Variants in FASN observed in about 807,000 individuals in gnomAD.
The protein encoded by FASN is fatty acid synthase, also known as 3-hydroxyacyl-[acyl-carrier-protein] dehydratase.
Under a neutral mutation model 250.0 loss-of-function variants are expected in FASN, and 50 were observed. The ratio of observed to expected loss-of-function variants is 0.20; its 90% CI spans 0.16 to 0.25. The LOEUF (loss-of-function observed/expected upper bound fraction) is 0.25, where lower values mean the gene tolerates loss of function less well. Among genes scored for constraint, FASN ranks in the 10% least tolerant of loss-of-function variants. FASN has a pLI of 1.00. For synonymous variants in FASN, 1,909 were observed against 1,584.0 expected (o/e 1.21, Z -4.87); for missense variants, 3,031 against 3,498.5 (o/e 0.87, Z 3.37).
intron 10 of FASN, 65 bp from the exon 11 acceptor site, chr17:82,090,629 C>T (rs376428656): frequency 2.4e-4 from 355 of 1,456,376 alleles, no homozygotes; most frequent in Admixed American, 2.9e-4. Context: ...GGGCGGCCCC[C>T]GGCCCCACTA....
chr17:82,093,182 T>C (rs1229749125), intron 5 of FASN, 37 bp downstream of exon 5: 2 of 1,548,592 alleles, frequency 1.3e-6, no homozygotes, highest in Admixed American at 1.9e-5. Context: ...CCTGTGCCAC[T>C]GTCCCGCCTG....
In FASN at chr17:82,093,902, T is replaced by G. The variant is rs2034260493; in HGVS notation, c.281-131A>C. The G allele has an allele frequency of 3.2e-6, 3 of 949,822 alleles. No individual in the cohort carries two copies. The East Asian group carries it at 8.0e-5, about 25-fold the overall frequency. The allele number at this position is 949,822 out of a possible 1,614,324, so 58.8% of individuals were successfully genotyped here. A position where few individuals can be genotyped will look rare whatever the true frequency, so the allele number is the denominator to read the frequency against. The stretch of plus-strand genomic sequence containing the variant: ...TGGGGTGAGGGGGGGTCCATCCCAG[T>G]GGGACCCTGGAAGGGGCCTAAGGAG... On this transcript the variant is annotated intron_variant, in intron 3 of 42. Coordinates refer to ENST00000306749, the MANE Select transcript of FASN (RefSeq NM_004104.5).
chr17:82,093,885 G>A (rs1433173923), intron 3 of FASN, 114 bp from the exon 4 acceptor site: 1 of 1,143,358 alleles, frequency 8.7e-7, no homozygotes, highest in Non-Finnish European at 1.3e-6. Flanking sequence ...CTTGGGGTGA[G>A]GGGGGGTCCA....
chr17:82,086,752 G>A (rs1376407168), intron 21 of FASN, among the ~76,000 whole-genome samples, 194 bp from the exon 22 acceptor site: 2 of 152,210 alleles, frequency 1.3e-5, no homozygotes, highest in East Asian at 3.9e-4. Flanking sequence ...CGCAGTGAGG[G>A]GCCGCATTCA....
At chr17:82,097,019 G>A (rs1598586352) in intron 1 of FASN, 3 of 208,256 alleles carry the variant, frequency 1.4e-5, no homozygotes, top group East Asian at 2.4e-4. Context: ...CCGTGTTGGG[G>A]TGGGGGCCCG....
chr17:82,094,789 A>AAAAT (rs1240429174), intron 3 of FASN, among the ~76,000 whole-genome samples: 2 of 151,734 alleles, frequency 1.3e-5, no homozygotes, highest in Non-Finnish European at 2.9e-5. Flanking sequence ...CTCCGTCTTA[A>AAAAT]AAATAAATAA....
At position 82,091,084 on chromosome 17, in the gene FASN, A is replaced by G. The variant is rs746760546; in HGVS notation, c.1493-15T>C. On this transcript the variant is annotated splice_polypyrimidine_tract_variant and intron_variant, in intron 9 of 42. Transcript: ENST00000306749. ...TGTGCCCATCCCTGTCCCAGAGAGC[A>G]CGTCACGAGGCTCAGCCCCATCCCG... The G allele has an allele frequency of 4.4e-6, 7 of 1,609,124 alleles. No individual in the cohort carries two copies. The African/African-American group carries it at 8.0e-5, about 18-fold the overall frequency.
intron 10 of FASN, 115 bp from the exon 11 acceptor site, chr17:82,090,679 C>A: frequency 8.9e-7 from 1 of 1,124,766 alleles, no homozygotes; most frequent in South Asian, 1.3e-5. Context: ...CCTCCCAGGT[C>A]TCCTGATAGG....
In FASN at chr17:82,082,416, T is replaced by A. The variant is rs113950951; in HGVS notation, c.5920-2A>T. 6.2e-7 allele frequency: 1 copy of A among 1,612,648 alleles called. No homozygotes were observed. The highest frequency in any genetic ancestry group is 8.5e-7 in the Non-Finnish European group (1 of 1,179,918). ...CTCCAGCAAGCCATCTCTCAAGACC[T>A]GGGGGAGGCATCCTCAGCACTCCCT... On this transcript the variant is annotated splice_acceptor_variant, in intron 34 of 42. Coordinates refer to ENST00000306749, the MANE Select transcript of FASN (RefSeq NM_004104.5). LOFTEE classifies it high-confidence loss of function.
chr17:82,081,628 G>A lies in FASN; in HGVS notation c.6379C>T (p.Leu2127=). The A allele has an allele frequency of 6.2e-7, 1 of 1,612,728 alleles. No homozygotes were observed. The highest frequency in any genetic ancestry group is 8.5e-7 in the Non-Finnish European group (1 of 1,180,002). ...AGGATGTGTGCCACGGCCTCCACCA[G>A]GTCCCGCTGGCTGTCCCTGTCCCTA... ...AYRDRDSQRD[L]VEAVAHILGI... The change falls in exon 37 of 43, where the codon CTG becomes TTG. Residue 2127 remains leucine, a synonymous_variant. Coordinates refer to ENST00000306749, the MANE Select transcript of FASN (RefSeq NM_004104.5).
chr17:82,096,094 C>A (rs986925496), intron 2 of FASN, among the ~76,000 whole-genome samples: 3 of 152,246 alleles, frequency 2.0e-5, no homozygotes, highest in African/African-American at 4.8e-5. Flanking sequence ...GTTGAGGGAA[C>A]CTCCTGGCAG....
chr17:82,086,561 G>A lies in FASN; in HGVS notation c.3428-3C>T. 6.2e-7 allele frequency: 1 copy of A among 1,606,468 alleles called. No individual in the cohort carries two copies. The highest frequency in any genetic ancestry group is 8.5e-7 in the Non-Finnish European group (1 of 1,176,224). On this transcript the variant is annotated splice_polypyrimidine_tract_variant and splice_region_variant and intron_variant, in intron 21 of 42. Transcript: ENST00000306749. ...GGTCTGCAGTGCCTGCACCAGCCCT[G>A]GGGAGGGAGGGAGGCAGGCCTGGTG...
rs1230484879 is a variant in FASN at position 82,093,425 on chromosome 17, A to C, written c.455-6T>G. On this transcript the variant is annotated splice_region_variant and splice_polypyrimidine_tract_variant and intron_variant, in intron 4 of 42. Transcript: ENST00000306749. ...GTCCAGTGCGATGCTGGGCCCTGCA[A>C]GGAAGGGTGCTGCGGCTCAGGTGGG... The C allele has an allele frequency of 6.3e-7, 1 of 1,598,302 alleles. No individual in the cohort carries two copies. Among genetic ancestry groups the C allele is most frequent in the East Asian group, 2.2e-5 (1 of 44,456 alleles).
Position 82,093,516 on chromosome 17 carries a change from T to C in FASN, c.454+82A>G, listed in dbSNP as rs1385223666. 1.9e-6 allele frequency: 3 copies of C among 1,600,286 alleles called. No individual in the cohort carries two copies. In the East Asian group the frequency reaches 6.7e-5, roughly 36 times the overall value. ...CAGGCTGGACACACACTGCACGGAG[T>C]GAGCCCACGCCACGTGGTTTCTGCT... is the stretch of plus-strand genomic sequence containing the variant. On this transcript the variant is annotated intron_variant, in intron 4 of 42. Coordinates refer to ENST00000306749, the MANE Select transcript of FASN (RefSeq NM_004104.5).
chr17:82,081,634 G>T lies in FASN; in HGVS notation c.6373C>A (p.Arg2125=), dbSNP rs141141382. The change falls in exon 37 of 43, where the codon CGG becomes AGG. Residue 2125 remains arginine (R), a synonymous_variant. Coordinates refer to ENST00000306749, the MANE Select transcript of FASN (RefSeq NM_004104.5). Reference sequence around the variant, plus strand: ...TGTGCCACGGCCTCCACCAGGTCCCGCTGGCTGTCCCTGTCCCTATAGGCC... The same window carrying T: ...TGTGCCACGGCCTCCACCAGGTCCCTCTGGCTGTCCCTGTCCCTATAGGCC... The part of the protein sequence containing the change: ...AAAYRDRDSQ[R]DLVEAVAHIL... 2 of 1,612,652 alleles carry T rather than the reference G, an allele frequency of 1.2e-6. No individual in the cohort carries two copies. The highest frequency in any genetic ancestry group is 1.1e-5 in the South Asian group (1 of 91,080).
intron 3 of FASN, 124 bp from the exon 4 acceptor site, chr17:82,093,895 A>T: frequency 1.0e-6 from 1 of 992,548 alleles, no homozygotes; most frequent in East Asian, 2.7e-5. Context: ...GGGGGGGTCC[A>T]TCCCAGTGGG....
chr17:82,085,174 G>A lies in FASN; in HGVS notation c.4288-18C>T, dbSNP rs767621996. 1.2e-6 allele frequency: 2 copies of A among 1,612,558 alleles called. No homozygotes were observed. Among genetic ancestry groups the A allele is most frequent in the East Asian group, 2.2e-5 (1 of 44,854 alleles). ...AGGATGCCCTACAGCGGGTCGGGGA[G>A]GGTCAGGCCACACTCGGCAAGTTGG... is the stretch of plus-strand genomic sequence containing the variant. On this transcript the variant is annotated intron_variant, in intron 24 of 42. Coordinates refer to ENST00000306749, the MANE Select transcript of FASN (RefSeq NM_004104.5).
Position 82,087,123 on chromosome 17 carries a change from G to A in FASN, c.3354C>T (p.Cys1118=), listed in dbSNP as rs1372429507. The change falls in exon 21 of 43, where the codon TGC becomes TGT. Residue 1118 remains cysteine (C), a synonymous_variant. Transcript: ENST00000306749. ...EQQVPILEKF[C]FTPHTEEGCL... ...ACCCCTCCTCCGTGTGGGGAGTGAA[G>A]CAAAACTTCTCCAGGATGGGCACCT... 2 of 1,612,142 alleles carry A rather than the reference G, an allele frequency of 1.2e-6. No individual in the cohort carries two copies. The highest frequency in any genetic ancestry group is 8.5e-7 in the Non-Finnish European group (1 of 1,179,864).
In FASN at chr17:82,091,440, C is replaced by T. The variant is rs747164236; in HGVS notation, c.1274G>A (p.Arg425Gln). The change falls in exon 9 of 43, where the codon CGG becomes CAG. Residue 425 changes from arginine (R) to glutamine (Q), a missense_variant. Coordinates refer to ENST00000306749, the MANE Select transcript of FASN (RefSeq NM_004104.5). ...GGCCTCAGGGGTGCGTCCGCTGGCC[C>T]GCAGCAGACGGGGCAGGGTGGCATG... ...APHATLPRLLRASGRTPEAVQ... is the reference protein window; with the variant it reads ...APHATLPRLLQASGRTPEAVQ... The T allele has an allele frequency of 1.5e-5, 24 of 1,607,142 alleles. No individual in the cohort carries two copies. The highest frequency in any genetic ancestry group is 2.7e-5 in the African/African-American group (2 of 74,774).
Sources: gnomAD v4.1 joint callset for allele counts (sites outside exome capture counted in the v4.1 genomes callset) on GRCh38, gnomAD v4.1.1 for gene constraint, MANE v1.5 for transcripts, NCBI Gene and HGNC (gene_info 2026-07-23, HGNC 2026-07-21) for gene names.